Variants in HOXD13 observed in about 807,000 individuals in gnomAD.
HOXD13 encodes homeobox D13, also known as homeobox protein Hox-D13.
In HOXD13, 16 loss-of-function variants were observed where a neutral mutation model predicts 27.3. The ratio of observed to expected loss-of-function variants is 0.59; its 90% CI spans 0.40 to 0.89. The LOEUF is 0.89. Ranked by LOEUF, HOXD13 falls within the 40% of genes least tolerant of loss-of-function variation. HOXD13 has a pLI of 0.00. For synonymous variants in HOXD13, 241 were observed against 219.0 expected, an observed-to-expected ratio of 1.10 and a Z score of -0.89; for missense variants, 481 against 482.6, an observed-to-expected ratio of 1.00 and a Z score of 0.03.
Position 176,095,904 on chromosome 2 carries a change from T to C in HOXD13, c.*1174T>C, listed in dbSNP as rs992551814. The C allele has an allele frequency of 1.5e-5, 3 of 195,180 alleles. No individual in the cohort carries two copies. The highest frequency in any genetic ancestry group is 6.9e-5 in the African/African-American group (3 of 43,186). The allele number at this position is 195,180 out of a possible 1,614,324, so 12.1% of individuals were successfully genotyped here. The stretch of plus-strand genomic sequence containing the variant: ...ACATTTAAAAATCACTTTTTACTCC[T>C]AGGGAGATGCCAATAAACAGAACTC... On this transcript the variant is annotated 3_prime_UTR_variant, in exon 2 of 2. Coordinates refer to ENST00000392539, the MANE Select transcript of HOXD13 (RefSeq NM_000523.4).
chr2:176,087,676 G>T, the HOXD13 span, among the ~76,000 whole-genome samples: 3 of 152,156 alleles, frequency 2.0e-5, no homozygotes, highest in Non-Finnish European at 2.9e-5. Flanking sequence ...GACCGTCAAG[G>T]CCTCTTACCC....
upstream of HOXD13, among the ~76,000 whole-genome samples, chr2:176,088,529 C>G (rs537148502): frequency 6.6e-6 from 1 of 150,694 alleles, no homozygotes; most frequent in South Asian, 2.1e-4. Context: ...GAAGTGGAGC[C>G]GAACACTGCC....
intron 1 of HOXD13, 135 bp downstream of exon 1, chr2:176,093,806 G>T: frequency 1.6e-6 from 1 of 624,870 alleles, no homozygotes; most frequent in Admixed American, 3.0e-5. Context: ...GGTTAACCCA[G>T]TGGAAATTTG....
upstream of HOXD13, among the ~76,000 whole-genome samples, chr2:176,089,957 C>T (rs1689295755): frequency 6.6e-6 from 1 of 152,240 alleles, no homozygotes; most frequent in Non-Finnish European, 1.5e-5. Context: ...TCCTGGCCAC[C>T]TAAAGAAACT....
upstream of HOXD13, among the ~76,000 whole-genome samples, chr2:176,092,585 AC>A (rs1379267827): frequency 2.0e-5 from 3 of 151,470 alleles, no homozygotes; most frequent in East Asian, 3.9e-4. Context: ...CCGCGTTCCT[AC>A]CCCCACGTGG....
chr2:176,094,932 G>A lies in HOXD13; in HGVS notation c.*202G>A. On this transcript the variant is annotated 3_prime_UTR_variant, in exon 2 of 2. Transcript: ENST00000392539. ...GACTTTGTAGTTCTGATTTTTACTT[G>A]TTTATTATTGGTTTTGTTCTTGCCT... 1.7e-6 allele frequency: 1 copy of A among 579,882 alleles called. No homozygotes were observed. Among genetic ancestry groups the A allele is most frequent in the East Asian group, 2.9e-5 (1 of 34,752 alleles). The allele number at this position is 579,882 out of a possible 1,614,324, so 35.9% of individuals were successfully genotyped here.
At chr2:176,094,340 C>T in intron 1 of HOXD13, 140 bp from the exon 2 acceptor site, 1 of 818,836 alleles carries the variant, frequency 1.2e-6, no homozygotes, top group Non-Finnish European at 2.0e-6. Context: ...TAATAAAGAC[C>T]AAACAGCATG....
chr2:176,092,455 C>A (rs973028405), upstream of HOXD13, among the ~76,000 whole-genome samples: 5 of 128,784 alleles, frequency 3.9e-5, no homozygotes, highest in Non-Finnish European at 8.0e-5. Context: ...GTGGCTGCAG[C>A]GCGTACGCCT....
chr2:176,095,232 C>T lies in HOXD13; in HGVS notation c.*502C>T, dbSNP rs1277480371. On this transcript the variant is annotated 3_prime_UTR_variant, in exon 2 of 2. Transcript: ENST00000392539. ...AGTTGCCCTGAGGCAAGTGGAAAGG[C>T]AGGCAGTGCTCTGGGGTCACCGAGA... The T allele has an allele frequency of 4.2e-6, 1 of 237,842 alleles. No individual in the cohort carries two copies. The highest frequency in any genetic ancestry group is 2.2e-5 in the African/African-American group (1 of 44,940). 14.7% of individuals were successfully genotyped at this position (237,842 alleles called of 1,614,324 possible). A position where few individuals can be genotyped will look rare whatever the true frequency, so the allele number is the denominator to read the frequency against.
At chr2:176,092,718 C>A (rs931191057), upstream of HOXD13, among the ~76,000 whole-genome samples, 5 of 152,100 alleles carry the variant, frequency 3.3e-5, no homozygotes, top group Non-Finnish European at 5.9e-5. Context: ...GATGAGCTAA[C>A]CTGTTGGAGG....
In HOXD13 at chr2:176,094,726, C is replaced by T. The variant is rs1689386591; in HGVS notation, c.1028C>T (p.Ser343Phe). Residue 343 changes from serine to phenylalanine, a missense_variant, in exon 2 of 2, where the codon TCC (serine) becomes TTC (phenylalanine). Ser to Phe is a radical substitution (Grantham distance 155, BLOSUM62 -2). Transcript: ENST00000392539. ...GTCTCCAAGCTCAAAGATACTGTCT[C>T]CTGATGTGGTCCAGGTTGGCCACAG... ...KIVSKLKDTV[S>F] The T allele has an allele frequency of 1.2e-6, 2 of 1,614,032 alleles. No individual in the cohort carries two copies. The highest frequency in any genetic ancestry group is 4.5e-5 in the East Asian group (2 of 44,876).
chr2:176,088,826 C>CA (rs1170008284), upstream of HOXD13, among the ~76,000 whole-genome samples: 3 of 152,062 alleles, frequency 2.0e-5, no homozygotes, highest in Admixed American at 6.5e-5. Flanking sequence ...TTTTATTTTC[C>CA]AAAAAAAGGC....
rs772479524 is a variant in HOXD13 at position 176,093,157 on chromosome 2, G to A, written c.267G>A (p.Ser89=). The change falls in exon 1 of 2, where the codon TCG becomes TCA. Residue 89 remains serine, a synonymous_variant. Coordinates refer to ENST00000392539, the MANE Select transcript of HOXD13 (RefSeq NM_000523.4). ...TSERTGSSSS[S]SSSAVVAARP... ...AGCGCACGGGCTCTTCCTCGTCGTC[G>A]TCCTCTTCTGCCGTTGTAGCGGCGC... The A allele has an allele frequency of 4.1e-4, 664 of 1,607,314 alleles. 9 individuals carry two copies. The Admixed American group carries it at 0.011, about 26-fold the overall frequency.
chr2:176,090,512 C>A (rs1005002870), upstream of HOXD13, among the ~76,000 whole-genome samples: 1 of 152,220 alleles, frequency 6.6e-6, no homozygotes, highest in Non-Finnish European at 1.5e-5. Context: ...TTGACACATT[C>A]TTCCCATTTT....
chr2:176,089,755 C>T (rs1689293268), upstream of HOXD13, among the ~76,000 whole-genome samples: 1 of 152,208 alleles, frequency 6.6e-6, no homozygotes. Context: ...TACAGTGGGA[C>T]TTTGGGCACC....
rs1689395644 is a variant in HOXD13, at chr2:176,095,254, G to A, written c.*524G>A. On this transcript the variant is annotated 3_prime_UTR_variant, in exon 2 of 2. Transcript: ENST00000392539. ...AGGCAGGCAGTGCTCTGGGGTCACC[G>A]AGAAAGTCTAAAAACAGGAGGCTGA... The A allele has an allele frequency of 8.7e-6, 2 of 229,752 alleles. No homozygotes were observed. Among genetic ancestry groups the A allele is most frequent in the East Asian group, 6.3e-5 (1 of 15,826 alleles). 14.2% of individuals were successfully genotyped at this position (229,752 alleles called of 1,614,324 possible).
upstream of HOXD13, among the ~76,000 whole-genome samples, chr2:176,091,528 T>G (rs1471488810): frequency 2.6e-5 from 4 of 152,118 alleles, no homozygotes; most frequent in Non-Finnish European, 4.4e-5. Context: ...GACAGGGCTG[T>G]AATCCCTAAC....
chr2:176,094,515 T>C lies in HOXD13; in HGVS notation c.817T>C (p.Tyr273His). The C allele has an allele frequency of 6.2e-7, 1 of 1,614,148 alleles. No homozygotes were observed. Among genetic ancestry groups the C allele is most frequent in the African/African-American group, 1.3e-5 (1 of 75,038 alleles). Residue 273 changes from tyrosine to histidine, a missense_variant, in exon 2 of 2, where the codon TAC becomes CAC. Coordinates refer to ENST00000392539, the MANE Select transcript of HOXD13 (RefSeq NM_000523.4). ...VALNQPDMCV[Y>H]RRGRKKRVPY... ...TCTAAATCAGCCGGACATGTGCGTC[T>C]ACCGAAGAGGGAGGAAGAAGAGAGT...
Position 176,094,645 on chromosome 2 carries a change from C to A in HOXD13, c.947C>A (p.Ser316Tyr), listed in dbSNP as rs28928892. The change falls in exon 2 of 2, where the codon TCT (serine) becomes TAT (tyrosine). Residue 316 changes from serine (S) to tyrosine (Y), a missense_variant. By Grantham distance (144) the Ser-to-Tyr change is moderately radical. Coordinates refer to ENST00000392539, the MANE Select transcript of HOXD13 (RefSeq NM_000523.4). Reference sequence around the variant, plus strand: ...CGTATCTCGGCTGCTACGAACCTATCTGAGAGACAAGTGACCATTTGGTTT... The same window carrying A: ...CGTATCTCGGCTGCTACGAACCTATATGAGAGACAAGTGACCATTTGGTTT... ...RRRISAATNL[S>Y]ERQVTIWFQN... 6.2e-7 allele frequency: 1 copy of A among 1,613,940 alleles called. No individual in the cohort carries two copies. Among genetic ancestry groups the A allele is most frequent in the Non-Finnish European group, 8.5e-7 (1 of 1,179,830 alleles).
Sources: allele counts gnomAD v4.1 joint callset (sites outside exome capture counted in the v4.1 genomes callset), GRCh38; gene constraint gnomAD v4.1.1; transcripts MANE v1.5; gene names NCBI Gene and HGNC (gene_info 2026-07-23, HGNC 2026-07-21).